PPM1E: variants seen among roughly 807,000 people sequenced by gnomAD.
PPM1E encodes protein phosphatase, Mg2+/Mn2+ dependent 1E, also known as protein phosphatase 1E.
A neutral mutation model predicts 65.9 loss-of-function variants in PPM1E; 20 were observed. That is an observed-to-expected ratio of 0.30 (90% CI 0.21 to 0.44). PPM1E has a LOEUF of 0.44. Among genes scored for constraint, PPM1E ranks in the 20% least tolerant of loss-of-function variants. PPM1E has a pLI of 1.00. For synonymous variants in PPM1E, 352 were observed against 374.9 expected, an observed-to-expected ratio of 0.94 and a Z score of 0.70; for missense variants, 713 against 953.1, an observed-to-expected ratio of 0.75 and a Z score of 3.32.
intron 1 of PPM1E, among the ~76,000 whole-genome samples, chr17:58,922,419 A>C (rs2051764441): frequency 6.6e-6 from 1 of 151,692 alleles, no homozygotes; most frequent in African/African-American, 2.4e-5. Context: ...CATCTGGCTA[A>C]TTTTTGTATT....
chr17:58,941,279 TTTAATAA>T (rs1279049644), intron 1 of PPM1E, among the ~76,000 whole-genome samples: 6 of 152,240 alleles, frequency 3.9e-5, no homozygotes, highest in South Asian at 4.1e-4. Context: ...CATCAATTTA[TTTAATAA>T]TTGTTAAAGG....
chr17:58,825,578 G>A (rs1344489859), intron 1 of PPM1E, among the ~76,000 whole-genome samples: 1 of 150,716 alleles, frequency 6.6e-6, no homozygotes, highest in Non-Finnish European at 1.5e-5. Context: ...TGTTGTTGTT[G>A]TTTGGAAACA....
intron 1 of PPM1E, among the ~76,000 whole-genome samples, chr17:58,887,276 T>C (rs994820951): frequency 3.3e-5 from 5 of 150,808 alleles, no homozygotes; most frequent in Non-Finnish European, 7.4e-5. Context: ...GTGATTCTCC[T>C]GCCTCAGCCT....
chr17:58,772,225 A>G (rs984343021), intron 1 of PPM1E, among the ~76,000 whole-genome samples: 4 of 152,132 alleles, frequency 2.6e-5, no homozygotes, highest in African/African-American at 9.7e-5. Flanking sequence ...TTGGGAGGCC[A>G]AGGCAGGGGA....
intron 1 of PPM1E, among the ~76,000 whole-genome samples, chr17:58,799,339 G>A (rs2050236824): frequency 6.6e-6 from 1 of 152,006 alleles, no homozygotes; most frequent in Non-Finnish European, 1.5e-5. Context: ...GAGTGCAGTG[G>A]CGCCGTCAGG....
At chr17:58,963,111 A>T (rs931603540) in intron 2 of PPM1E, among the ~76,000 whole-genome samples, 1 of 151,894 alleles carries the variant, frequency 6.6e-6, no homozygotes, top group African/African-American at 2.4e-5. Flanking sequence ...AAAGCTGGGC[A>T]TGGTGGCTCA....
intron 1 of PPM1E, among the ~76,000 whole-genome samples, chr17:58,811,423 C>T (rs1382809100): frequency 1.3e-5 from 2 of 152,172 alleles, no homozygotes; most frequent in East Asian, 1.9e-4. Flanking sequence ...ATCCTTTGCA[C>T]TATTGTCTCA....
chr17:58,815,036 C>T lies in PPM1E; in HGVS notation c.464+58575C>T, dbSNP rs185832861. Among the ~76,000 whole-genome samples the T allele has an allele frequency of 5.1e-3, 783 of 152,194 alleles. 5 individuals carry two copies. The highest frequency in any genetic ancestry group is 0.017 in the African/African-American group (726 of 41,534). Reference sequence around the variant, plus strand: ...AAGTCTATATACTTTTCTTTCTTTCCTTTTTAAAGTTATTGCCATTGAATT... The same window carrying T: ...AAGTCTATATACTTTTCTTTCTTTCTTTTTTAAAGTTATTGCCATTGAATT... On this transcript the variant is annotated intron_variant, in intron 1 of 6. Coordinates refer to ENST00000308249, the MANE Select transcript of PPM1E (RefSeq NM_014906.5).
chr17:58,825,524 CAAATG>C (rs925421424), intron 1 of PPM1E, among the ~76,000 whole-genome samples: 1 of 151,016 alleles, frequency 6.6e-6, no homozygotes, highest in Non-Finnish European at 1.5e-5. Flanking sequence ...TTTCAGGAAA[CAAATG>C]AAAACGTATT....
rs186043394 is a variant in PPM1E at position 58,786,295 on chromosome 17, T to C, written c.464+29834T>C. 3.3e-5 allele frequency among the ~76,000 whole-genome samples: 5 copies of C among 152,314 alleles called. No homozygotes were observed. In the East Asian group the frequency reaches 7.7e-4, roughly 24 times the overall value. ...TCCCAAAGTGCTGGGATTACAGGTG[T>C]GAGCCATCGGGCCTGGCCACCTTTT... On this transcript the variant is annotated intron_variant, in intron 1 of 6. Transcript: ENST00000308249.
chr17:58,869,783 C>T (rs1251812616), intron 1 of PPM1E, among the ~76,000 whole-genome samples: 1 of 152,158 alleles, frequency 6.6e-6, no homozygotes, highest in East Asian at 1.9e-4. Context: ...AAGGGGATAG[C>T]ATCTAGTAAA....
chr17:58,755,888 G>T lies in PPM1E; in HGVS notation c.-110G>T. 6.6e-7 allele frequency: 1 copy of T among 1,522,390 alleles called. No individual in the cohort carries two copies. Among genetic ancestry groups the T allele is most frequent in the Non-Finnish European group, 8.8e-7 (1 of 1,136,800 alleles). 94.3% of individuals were successfully genotyped at this position (1,522,390 alleles called of 1,614,324 possible). The stretch of plus-strand genomic sequence containing the variant: ...CAACCTAGTGCTGATCGCTCGTGCC[G>T]GTGCGGCCGTTAACCGCCCTTGCCG... On this transcript the variant is annotated 5_prime_UTR_variant, in exon 1 of 7. Transcript: ENST00000308249.
chr17:58,873,512 G>A (rs185865903), intron 1 of PPM1E, among the ~76,000 whole-genome samples: 1 of 151,600 alleles, frequency 6.6e-6, no homozygotes, highest in Non-Finnish European at 1.5e-5. Flanking sequence ...GAGCTACGTA[G>A]AGGTAGCAAG....
At chr17:58,899,000 G>A (rs2051461056) in intron 1 of PPM1E, among the ~76,000 whole-genome samples, 1 of 149,814 alleles carries the variant, frequency 6.7e-6, no homozygotes, top group Admixed American at 6.7e-5. Context: ...ACACACTGGG[G>A]CCTGTCGTGG....
At chr17:58,766,938 C>T (rs2049886060) in intron 1 of PPM1E, among the ~76,000 whole-genome samples, 1 of 152,086 alleles carries the variant, frequency 6.6e-6, no homozygotes, top group South Asian at 2.1e-4. Flanking sequence ...ATATTTTCAG[C>T]TTTTTCGGGG....
chr17:58,950,825 C>G (rs1367515647), intron 1 of PPM1E, among the ~76,000 whole-genome samples: 3 of 144,836 alleles, frequency 2.1e-5, no homozygotes, highest in Admixed American at 7.2e-5. Flanking sequence ...GTCACCCAGG[C>G]TGGAGTGCAG....
chr17:58,825,607 C>T (rs1291056869), intron 1 of PPM1E, among the ~76,000 whole-genome samples: 1 of 151,734 alleles, frequency 6.6e-6, no homozygotes, highest in Non-Finnish European at 1.5e-5. Context: ...CTTTGTTGCC[C>T]TGGCTGTGGT....
intron 1 of PPM1E, among the ~76,000 whole-genome samples, chr17:58,836,759 C>A (rs1248327992): frequency 6.7e-6 from 1 of 148,220 alleles, no homozygotes; most frequent in South Asian, 2.3e-4. Flanking sequence ...CGGTGGCTCA[C>A]GCCTGTAATC....
intron 1 of PPM1E, among the ~76,000 whole-genome samples, chr17:58,771,145 A>G (rs1297688046): frequency 6.6e-6 from 1 of 151,656 alleles, no homozygotes; most frequent in African/African-American, 2.4e-5. Flanking sequence ...GTGAGCCACC[A>G]CACCCAGCTA....
Sources: allele counts gnomAD v4.1 joint callset (sites outside exome capture counted in the v4.1 genomes callset), GRCh38; gene constraint gnomAD v4.1.1; transcripts MANE v1.5; gene names NCBI Gene and HGNC (gene_info 2026-07-23, HGNC 2026-07-21).